The following ITGB4 variants were observed in gnomAD, a reference collection of about 807,000 sequenced individuals.
The protein encoded by ITGB4 is integrin beta-4.
ITGB4 carries 159 observed loss-of-function variants against 207.6 expected under a neutral mutation model. The ratio of observed to expected loss-of-function variants is 0.77; its 90% confidence interval spans 0.67 to 0.87. The LOEUF (loss-of-function observed/expected upper bound fraction) is 0.87, where lower values mean the gene tolerates loss of function less well. ITGB4 is among the 40% of genes least tolerant of loss of function. The pLI, the probability that ITGB4 is intolerant of heterozygous loss-of-function variation, is 0.00. For missense variants in ITGB4, 2,278 were observed against 2,546.8 expected, an observed-to-expected ratio of 0.89 and a Z score of 2.27; for synonymous variants, 1,020 against 1,062.7, an observed-to-expected ratio of 0.96 and a Z score of 0.78.
At position 75,752,204 on chromosome 17, in the gene ITGB4, T is replaced by C; in HGVS notation, c.3824T>C (p.Val1275Ala). 1 of 1,613,972 alleles carries C rather than the reference T, an allele frequency of 6.2e-7. No individual in the cohort carries two copies. The change falls in exon 31 of 40, where the codon GTT becomes GCT. Residue 1275 changes from valine (V) to alanine (A), a missense_variant. Transcript: ENST00000200181. ...ATTGGGCCCATGAAGAAAGTGCTGG[T>C]TGACAACCCTAAGAACCGGATGCTG... is the stretch of plus-strand genomic sequence containing the variant. The part of the protein sequence containing the change: ...RPIGPMKKVL[V>A]DNPKNRMLLI...
rs376280983 is a variant in ITGB4 at position 75,753,769 on chromosome 17, C to T, written c.4113C>T (p.Cys1371=). 2.8e-6 allele frequency: 4 copies of T among 1,444,560 alleles called. No individual in the cohort carries two copies. The highest frequency in any genetic ancestry group is 3.0e-5 in the South Asian group (2 of 67,416). The allele number at this position is 1,444,560 out of a possible 1,614,324, so 89.5% of individuals were successfully genotyped here. Residue 1371 remains cysteine (C), a synonymous_variant, in exon 33 of 40, where the codon TGC becomes TGT. Coordinates refer to ENST00000200181, the MANE Select transcript of ITGB4 (RefSeq NM_000213.5). ...CGGCCCTTCGTTGTTCCCAAGGCTGCGGCTGGAAGTTCGAGCCCCTGCTGG... is the reference window on the plus strand; with the variant it reads ...CGGCCCTTCGTTGTTCCCAAGGCTGTGGCTGGAAGTTCGAGCCCCTGCTGG... ...QRPSVSDDTG[C]GWKFEPLLGE...
chr17:75,725,730 C>A (rs1251600382), intron 2 of ITGB4, among the ~76,000 whole-genome samples: 2 of 152,162 alleles, frequency 1.3e-5, no homozygotes, highest in African/African-American at 4.8e-5. Flanking sequence ...CTGAGCAGAG[C>A]CAAAGGGAAA....
rs1476274903 is a variant in ITGB4, at chr17:75,750,868, C to T, written c.3655+8C>T. The T allele has an allele frequency of 1.9e-6, 3 of 1,613,380 alleles. No individual in the cohort carries two copies. In the South Asian group the frequency reaches 3.3e-5, roughly 18 times the overall value. ...GCCGCACCCACCAGGAAGGTGAGGC[C>T]TCGCCATGTCTGTCCATTTGTCCCC... On this transcript the variant is annotated splice_region_variant and intron_variant, in intron 29 of 39. Transcript: ENST00000200181. This position sits in a 1 kb window ranked among gnomAD's most constrained non-coding sequence, Gnocchi z 5.5.
rs1390809484 is a variant in ITGB4 at position 75,750,839 on chromosome 17, T to A, written c.3634T>A (p.Ser1212Thr). Reference sequence around the variant, plus strand: ...CGAGGGACCCTACAGCTCCCTGGTGTCCTGCCGCACCCACCAGGAAGGTGA... The same window carrying A: ...CGAGGGACCCTACAGCTCCCTGGTGACCTGCCGCACCCACCAGGAAGGTGA... ...QGEGPYSSLV[S>T]CRTHQEVPSE... The change falls in exon 29 of 40, where the codon TCC becomes ACC. Residue 1212 changes from serine (S) to threonine (T), a missense_variant. Ser to Thr is a moderately conservative substitution (Grantham distance 58). Coordinates refer to ENST00000200181, the MANE Select transcript of ITGB4 (RefSeq NM_000213.5). The surrounding 1 kb of genome is among the most constrained non-coding windows in gnomAD (Gnocchi z 5.5). The A allele has an allele frequency of 6.2e-7, 1 of 1,613,228 alleles. No homozygotes were observed. Among genetic ancestry groups the A allele is most frequent in the African/African-American group, 1.3e-5 (1 of 74,920 alleles).
At position 75,731,179 on chromosome 17, in the gene ITGB4, A is replaced by T; in HGVS notation, c.1093-67A>T. Reference sequence around the variant, plus strand: ...TGATACCCCGCATGATGCCAGCCACACTTGGAGGTTGGGGTGGAGCACAGA... The same window carrying T: ...TGATACCCCGCATGATGCCAGCCACTCTTGGAGGTTGGGGTGGAGCACAGA... On this transcript the variant is annotated intron_variant, in intron 9 of 39. Transcript: ENST00000200181. The surrounding 1 kb of genome is among the most constrained non-coding windows in gnomAD (Gnocchi z 6.8). The T allele has an allele frequency of 6.2e-7, 1 of 1,611,466 alleles. No homozygotes were observed. The highest frequency in any genetic ancestry group is 8.5e-7 in the Non-Finnish European group (1 of 1,179,060).
chr17:75,749,977 T>A, intron 27 of ITGB4, 134 bp from the exon 28 acceptor site: 1 of 1,122,282 alleles, frequency 8.9e-7, no homozygotes. Context: ...CCACCAGGTC[T>A]CCAGAGACGC....
At chr17:75,745,333 C>T (rs540131449) in intron 26 of ITGB4, among the ~76,000 whole-genome samples, 21 of 152,060 alleles carry the variant, frequency 1.4e-4, no homozygotes, top group African/African-American at 4.6e-4. Flanking sequence ...GTTGAGGCTA[C>T]AGTGAGCCAT....
chr17:75,734,137 T>TG (rs2060925079), intron 13 of ITGB4, among the ~76,000 whole-genome samples: 1 of 141,370 alleles, frequency 7.1e-6, no homozygotes, highest in Non-Finnish European at 1.5e-5. Context: ...GTTTTTTTTT[T>TG]TTTTTTTTTT....
chr17:75,725,793 C>G (rs552445576), intron 2 of ITGB4, among the ~76,000 whole-genome samples: 1 of 152,162 alleles, frequency 6.6e-6, no homozygotes, highest in African/African-American at 2.4e-5. Flanking sequence ...CCAGGTGTGC[C>G]GGGTGCTAGG....
intron 37 of ITGB4, 25 bp from the exon 38 acceptor site, chr17:75,756,918 C>CTGAAG: frequency 6.2e-7 from 1 of 1,611,962 alleles, no homozygotes; most frequent in Non-Finnish European, 8.5e-7. Flanking sequence ...GGGCCGCAGA[C>CTGAAG]GCTGAAGGCA....
Position 75,727,616 on chromosome 17 carries a change from C to T in ITGB4, c.265-35C>T. ...GGCCCCCATCGGGCCTCCGGAGTGA[C>T]CCTCTAGCCAGCTGTCCCCTTCCAC... On this transcript the variant is annotated intron_variant, in intron 4 of 39. Transcript: ENST00000200181. The surrounding 1 kb of genome is among the most constrained non-coding windows in gnomAD (Gnocchi z 6.0). The T allele has an allele frequency of 6.3e-7, 1 of 1,585,382 alleles. No homozygotes were observed. Among genetic ancestry groups the T allele is most frequent in the African/African-American group, 1.3e-5 (1 of 74,452 alleles).
intron 34 of ITGB4, 119 bp downstream of exon 34, chr17:75,754,934 G>A: frequency 1.9e-6 from 3 of 1,539,100 alleles, no homozygotes; most frequent in Non-Finnish European, 2.7e-6. Context: ...ACACACGCAT[G>A]CACACATGCA....
At chr17:75,746,751 C>T (rs1488893428) in intron 26 of ITGB4, among the ~76,000 whole-genome samples, 1 of 151,522 alleles carries the variant, frequency 6.6e-6, no homozygotes, top group African/African-American at 2.4e-5. Flanking sequence ...ACCAGCCTGG[C>T]CAACATGGCG....
Position 75,722,756 on chromosome 17 carries a change from C to CATGT in ITGB4, c.-11+1144_-11+1145insATGT, listed in dbSNP as rs1476736666. Among the ~76,000 whole-genome samples, 22 of 39,788 alleles carry CATGT rather than the reference C, an allele frequency of 5.5e-4. No individual in the cohort carries two copies. Among genetic ancestry groups the CATGT allele is most frequent in the Admixed American group, 3.7e-3 (15 of 4,068 alleles). The allele number at this position is 39,788 out of a possible 152,430, so 26.1% of individuals were successfully genotyped here. ...TGAGCCTGTGGGTGGGTGGGCATGG[C>CATGT]CTGTGTGTGTGTGTGTGTGTGTGTG... On this transcript the variant is annotated intron_variant, in intron 1 of 39. Coordinates refer to ENST00000200181, the MANE Select transcript of ITGB4 (RefSeq NM_000213.5). The surrounding 1 kb of genome is among the most constrained non-coding windows in gnomAD (Gnocchi z 6.2).
At chr17:75,751,217 G>A in intron 30 of ITGB4, 106 bp downstream of exon 30, 1 of 1,305,382 alleles carries the variant, frequency 7.7e-7, no homozygotes, top group Non-Finnish European at 1.1e-6. Context: ...TGCTGTGCAG[G>A]GCACTCGAGG....
At chr17:75,724,558 C>T (rs820166) in intron 1 of ITGB4, 136 bp from the exon 2 acceptor site, 595,980 of 751,140 alleles carry the variant, frequency 0.79, 241,121 homozygotes, top group East Asian at 0.92. Flanking sequence ...CAGGGCCCTG[C>T]CTCTGGCGGC....
chr17:75,724,502 G>A (rs2060678327), intron 1 of ITGB4, among the ~76,000 whole-genome samples, 192 bp from the exon 2 acceptor site: 1 of 152,280 alleles, frequency 6.6e-6, no homozygotes, highest in African/African-American at 2.4e-5. Context: ...GGCCACTGCA[G>A]GGATGGCACG....
rs1477160457 is a variant in ITGB4, at chr17:75,753,963, G to C, written c.4307G>C (p.Gly1436Ala). 10 of 1,262,522 alleles carry C rather than the reference G, an allele frequency of 7.9e-6. No homozygotes were observed. In the Admixed American group the frequency reaches 4.2e-4, roughly 54 times the overall value. 78.2% of individuals were successfully genotyped at this position (1,262,522 alleles called of 1,614,324 possible). A position where few individuals can be genotyped will look rare whatever the true frequency, so the allele number is the denominator to read the frequency against. Residue 1436 changes from glycine (G) to alanine (A), a missense_variant, in exon 33 of 40, where the codon GGG (glycine) becomes GCG (alanine). By Grantham distance (60) the Gly-to-Ala change is moderately conservative (BLOSUM62 0). Coordinates refer to ENST00000200181, the MANE Select transcript of ITGB4 (RefSeq NM_000213.5). ...GGSLPRSATP[G>A]PPGEHLVNGR... is the part of the protein sequence containing the mutation. Reference sequence around the variant, plus strand: ...AGCCTGCCCCGCAGTGCGACACCCGGGCCCCCCGGAGGTGACAGGCTCACC... The same window carrying C: ...AGCCTGCCCCGCAGTGCGACACCCGCGCCCCCCGGAGGTGACAGGCTCACC...
At chr17:75,730,787 GT>G in intron 8 of ITGB4, 87 bp from the exon 9 acceptor site, 1 of 1,300,704 alleles carries the variant, frequency 7.7e-7, no homozygotes. Context: ...CCAGGCCTCA[GT>G]TTCCCCATCC....
Sources: allele counts gnomAD v4.1 joint callset (sites outside exome capture counted in the v4.1 genomes callset), GRCh38; gene constraint gnomAD v4.1.1; non-coding constraint Gnocchi (gnomAD v3.1); transcripts MANE v1.5; gene names NCBI Gene and HGNC (gene_info 2026-07-23, HGNC 2026-07-21).